Variants in FHIT observed in about 807,000 individuals in gnomAD.
The protein encoded by FHIT is fragile histidine triad diadenosine triphosphatase, also known as bis(5'-adenosyl)-triphosphatase.
Under a neutral mutation model 17.9 loss-of-function variants are expected in FHIT, and 19 were observed. The ratio of observed to expected loss-of-function variants is 1.06; its 90% CI spans 0.74 to 1.56. The LOEUF (loss-of-function observed/expected upper bound fraction) is 1.56, where lower values mean the gene tolerates loss of function less well. Among genes scored for constraint, FHIT ranks in the 40% most tolerant of loss-of-function variants. The pLI is 0.00. For synonymous variants in FHIT, 81 were observed against 69.7 expected, an observed-to-expected ratio of 1.16 and a Z score of -0.81; for missense variants, 248 against 189.2, an observed-to-expected ratio of 1.31 and a Z score of -1.82.
At chr3:60,807,226 C>T (rs1201390733) in intron 4 of FHIT, among the ~76,000 whole-genome samples, 4 of 152,026 alleles carry the variant, frequency 2.6e-5, no homozygotes, top group Non-Finnish European at 4.4e-5. Context: ...CTTTTGGATG[C>T]TGGTGGAGGT....
At chr3:60,823,706 C>A (rs1033335963) in intron 3 of FHIT, among the ~76,000 whole-genome samples, 1 of 152,154 alleles carries the variant, frequency 6.6e-6, no homozygotes, top group Admixed American at 6.5e-5. Context: ...TTGTTTTAAG[C>A]CACTCAGTAT....
intron 2 of FHIT, among the ~76,000 whole-genome samples, chr3:61,142,819 A>AT (rs2037123738): frequency 6.6e-6 from 1 of 152,194 alleles, no homozygotes; most frequent in Non-Finnish European, 1.5e-5. Context: ...TGTAATGAAC[A>AT]TATTTTAGGG....
chr3:60,117,913 G>T (rs997200097), intron 5 of FHIT, among the ~76,000 whole-genome samples: 6 of 152,168 alleles, frequency 3.9e-5, no homozygotes, highest in Admixed American at 1.3e-4. Flanking sequence ...CCATGAGGCT[G>T]TCAGGCACCA....
intron 8 of FHIT, among the ~76,000 whole-genome samples, chr3:59,802,611 G>A (rs1041788272): frequency 6.6e-6 from 1 of 150,924 alleles, no homozygotes; most frequent in Non-Finnish European, 1.5e-5. Flanking sequence ...CCTGTAAAAC[G>A]GCCCCACCCC....
intron 5 of FHIT, among the ~76,000 whole-genome samples, chr3:60,213,916 A>T (rs1040529709): frequency 1.3e-5 from 2 of 152,208 alleles, no homozygotes; most frequent in Non-Finnish European, 1.5e-5. Context: ...TCATAAATGG[A>T]AAGCATTTAA....
chr3:60,065,655 T>A (rs1156864936), intron 5 of FHIT, among the ~76,000 whole-genome samples: 3 of 152,066 alleles, frequency 2.0e-5, no homozygotes, highest in African/African-American at 7.2e-5. Flanking sequence ...CTCAAGTCAG[T>A]CTATTGAGTT....
chr3:60,398,449 CA>C (rs368731456), intron 5 of FHIT, among the ~76,000 whole-genome samples: 167 of 152,084 alleles, frequency 1.1e-3, no homozygotes, highest in African/African-American at 3.6e-3. Flanking sequence ...GTGTGTAACC[CA>C]AAAAGGGCAA....
At chr3:60,748,702 C>CT (rs779553266) in intron 4 of FHIT, among the ~76,000 whole-genome samples, 77 of 152,086 alleles carry the variant, frequency 5.1e-4, no homozygotes, top group Non-Finnish European at 9.6e-4. Flanking sequence ...ATCCTAGCTA[C>CT]TTGGGAGGCT....
intron 5 of FHIT, among the ~76,000 whole-genome samples, chr3:60,206,818 C>T (rs772242521): frequency 6.6e-6 from 1 of 151,908 alleles, no homozygotes; most frequent in African/African-American, 2.4e-5. Context: ...AATCCCCACA[C>T]CACGTACTTT....
intron 2 of FHIT, among the ~76,000 whole-genome samples, chr3:61,043,350 C>T (rs1269219118): frequency 6.6e-6 from 1 of 152,004 alleles, no homozygotes. Flanking sequence ...TCGGAGGGTC[C>T]CACGCCCACG....
intron 4 of FHIT, among the ~76,000 whole-genome samples, chr3:60,781,895 T>C (rs1330515820): frequency 6.6e-6 from 1 of 152,178 alleles, no homozygotes; most frequent in Admixed American, 6.5e-5. Flanking sequence ...AGTGATACTA[T>C]GATATATGTA....
chr3:60,871,866 T>C (rs539483859), intron 3 of FHIT, among the ~76,000 whole-genome samples: 1 of 152,240 alleles, frequency 6.6e-6, no homozygotes, highest in Admixed American at 6.6e-5. Flanking sequence ...TCTTGCTTTG[T>C]TGCCCAGGTT....
At chr3:60,337,226 G>T (rs1192565725) in intron 5 of FHIT, among the ~76,000 whole-genome samples, 1 of 152,012 alleles carries the variant, frequency 6.6e-6, no homozygotes, top group East Asian at 1.9e-4. Context: ...AGGAAAAATC[G>T]CAAGGTGTGC....
chr3:59,779,161 A>ATATT (rs1702461451), intron 8 of FHIT, among the ~76,000 whole-genome samples: 1 of 152,166 alleles, frequency 6.6e-6, no homozygotes, highest in Non-Finnish European at 1.5e-5. Context: ...CATTGGCCAT[A>ATATT]TATTTGTTGG....
chr3:59,792,633 T>C (rs1166381415), intron 8 of FHIT, among the ~76,000 whole-genome samples: 1 of 152,196 alleles, frequency 6.6e-6, no homozygotes, highest in African/African-American at 2.4e-5. Flanking sequence ...AAATTACAGA[T>C]GTTAAATGCT....
intron 5 of FHIT, among the ~76,000 whole-genome samples, chr3:60,163,265 T>G (rs145584775): frequency 1.1e-4 from 16 of 151,990 alleles, no homozygotes; most frequent in East Asian, 1.9e-4. Context: ...CCAAAATGAG[T>G]GCTCTTTTCT....
intron 5 of FHIT, among the ~76,000 whole-genome samples, chr3:60,048,468 G>A (rs212052): frequency 0.2 from 31,086 of 152,092 alleles, 3,409 homozygotes; most frequent in South Asian, 0.33. Flanking sequence ...GAGTCTCTAC[G>A]ACCGGCCTTA....
At chr3:60,910,571 C>T (rs1166014822) in intron 3 of FHIT, among the ~76,000 whole-genome samples, 1 of 152,002 alleles carries the variant, frequency 6.6e-6, no homozygotes, top group African/African-American at 2.4e-5. Flanking sequence ...ACCACCACGC[C>T]CGGCTAATTT....
chr3:60,902,957 G>C (rs1706199812), intron 3 of FHIT, among the ~76,000 whole-genome samples: 1 of 152,128 alleles, frequency 6.6e-6, no homozygotes, highest in African/African-American at 2.4e-5. Flanking sequence ...TTTGACATCA[G>C]ACACCCCAAC....
Sources: allele counts gnomAD v4.1 joint callset (sites outside exome capture counted in the v4.1 genomes callset), GRCh38; gene constraint gnomAD v4.1.1; transcripts MANE v1.5; gene names NCBI Gene and HGNC (gene_info 2026-07-23, HGNC 2026-07-21).